The following LRRTM4 variants were observed in gnomAD, a reference collection of about 807,000 sequenced individuals.
LRRTM4 encodes the protein leucine-rich repeat transmembrane neuronal protein 4.
Under a neutral mutation model 47.6 loss-of-function variants are expected in LRRTM4, and 25 were observed. That is an observed-to-expected ratio of 0.53 (90% confidence interval 0.38 to 0.73). The LOEUF is 0.73. Ranked by LOEUF, LRRTM4 falls within the 30% of genes least tolerant of loss-of-function variation. The pLI is 0.00. For synonymous variants in LRRTM4, 311 were observed against 269.5 expected (o/e 1.15, Z -1.51); for missense variants, 638 against 713.4 (o/e 0.89, Z 1.20).
chr2:77,081,212 T>A (rs951334654), intron 3 of LRRTM4, among the ~76,000 whole-genome samples: 2 of 149,280 alleles, frequency 1.3e-5, no homozygotes, highest in Non-Finnish European at 3.0e-5. Flanking sequence ...TTCTGTTCCC[T>A]AAAGTATTCC....
At chr2:76,987,768 G>T (rs1488259949) in intron 3 of LRRTM4, among the ~76,000 whole-genome samples, 1 of 151,688 alleles carries the variant, frequency 6.6e-6, no homozygotes, top group Non-Finnish European at 1.5e-5. Flanking sequence ...GCACTAACAT[G>T]AGCTCATGGT....
intron 3 of LRRTM4, among the ~76,000 whole-genome samples, chr2:77,345,101 C>G (rs1671514627): frequency 6.7e-6 from 1 of 150,234 alleles, no homozygotes; most frequent in South Asian, 2.1e-4. Flanking sequence ...AATAAAAATT[C>G]AGTAAAATTA....
At chr2:77,150,119 C>T (rs916948574) in intron 3 of LRRTM4, among the ~76,000 whole-genome samples, 2 of 151,564 alleles carry the variant, frequency 1.3e-5, no homozygotes, top group Admixed American at 6.6e-5. Context: ...AATAAAGAAG[C>T]AGAGGTCGGT....
chr2:77,204,416 A>G (rs1452967137), intron 3 of LRRTM4, among the ~76,000 whole-genome samples: 1 of 152,020 alleles, frequency 6.6e-6, no homozygotes, highest in Non-Finnish European at 1.5e-5. Flanking sequence ...TAGATGGACT[A>G]CATTTGGAAG....
chr2:76,760,060 A>C (rs1673195533), intron 3 of LRRTM4, among the ~76,000 whole-genome samples: 1 of 152,310 alleles, frequency 6.6e-6, no homozygotes, highest in African/African-American at 2.4e-5. Context: ...ATGTGCTATA[A>C]GAATGTATGA....
chr2:77,063,675 A>G (rs996095299), intron 3 of LRRTM4, among the ~76,000 whole-genome samples: 10 of 152,324 alleles, frequency 6.6e-5, no homozygotes, highest in East Asian at 1.9e-4. Context: ...CCAAAATTCA[A>G]TAACATTAAA....
intron 3 of LRRTM4, among the ~76,000 whole-genome samples, chr2:76,888,684 T>C (rs992613836): frequency 2.0e-5 from 3 of 151,830 alleles, no homozygotes; most frequent in Non-Finnish European, 4.4e-5. Flanking sequence ...TTCTAGATTT[T>C]AGTTTGGACC....
chr2:77,335,427 G>T (rs1374811377), intron 3 of LRRTM4, among the ~76,000 whole-genome samples: 1 of 152,028 alleles, frequency 6.6e-6, no homozygotes, highest in Non-Finnish European at 1.5e-5. Context: ...TTTTGCACTT[G>T]CTCTCCCCAC....
chr2:77,142,400 T>C (rs1242032795), intron 3 of LRRTM4, among the ~76,000 whole-genome samples: 1 of 148,582 alleles, frequency 6.7e-6, no homozygotes, highest in Non-Finnish European at 1.5e-5. Context: ...GCCATTCACC[T>C]TTTTGCTGCT....
At chr2:77,249,966 A>G (rs1675557561) in intron 3 of LRRTM4, among the ~76,000 whole-genome samples, 1 of 152,228 alleles carries the variant, frequency 6.6e-6, no homozygotes, top group South Asian at 2.1e-4. Context: ...GTCCATCTAT[A>G]TAATGGTATA....
rs369330220 is a variant in LRRTM4 at position 77,297,036 on chromosome 2, C to G, written c.1551+221282G>C. On this transcript the variant is annotated intron_variant, in intron 3 of 3. Coordinates refer to ENST00000409884, the MANE Select transcript of LRRTM4 (RefSeq NM_001134745.3). ...CCTGGGGTAATGAATGGAGATTCCT[C>G]CAGTATGCCGGCATTAGTAAATCTT... is the stretch of plus-strand genomic sequence containing the variant. Among the ~76,000 whole-genome samples, 160 of 152,232 alleles carry G rather than the reference C, an allele frequency of 1.1e-3. 1 individual carries two copies. Among genetic ancestry groups the G allele is most frequent in the African/African-American group, 3.7e-3 (152 of 41,542 alleles).
rs141357812 is a variant in LRRTM4, at chr2:77,399,961, T to C, written c.1551+118357A>G. 2.0e-4 allele frequency among the ~76,000 whole-genome samples: 31 copies of C among 151,968 alleles called. No homozygotes were observed. In the East Asian group the frequency reaches 4.9e-3, roughly 24 times the overall value. Reference sequence around the variant, plus strand: ...CTCAGAAAATTTGTGTAAGGCACTTTAAACTCGCTAATGGCTAATTTATGA... The same window carrying C: ...CTCAGAAAATTTGTGTAAGGCACTTCAAACTCGCTAATGGCTAATTTATGA... On this transcript the variant is annotated intron_variant, in intron 3 of 3. Transcript: ENST00000409884.
intron 3 of LRRTM4, among the ~76,000 whole-genome samples, chr2:76,779,249 T>A (rs1309014599): frequency 6.6e-6 from 1 of 151,820 alleles, no homozygotes; most frequent in Non-Finnish European, 1.5e-5. Flanking sequence ...TGATTTGGGG[T>A]GGAGAGTTCT....
At chr2:77,146,419 T>C (rs1400626112) in intron 3 of LRRTM4, among the ~76,000 whole-genome samples, 1 of 152,156 alleles carries the variant, frequency 6.6e-6, no homozygotes, top group Non-Finnish European at 1.5e-5. Flanking sequence ...ACTAGAAATA[T>C]GATACTAGGT....
intron 3 of LRRTM4, among the ~76,000 whole-genome samples, chr2:77,070,426 G>T: frequency 6.6e-6 from 1 of 152,008 alleles, no homozygotes; most frequent in East Asian, 1.9e-4. Context: ...ATATTTTAAA[G>T]ATAAAACATA....
At chr2:76,756,255 T>C (rs181550603) in intron 3 of LRRTM4, among the ~76,000 whole-genome samples, 58 of 152,292 alleles carry the variant, frequency 3.8e-4, no homozygotes, top group Admixed American at 1.6e-3. Flanking sequence ...ATTTGCAAAT[T>C]AAAGAATCTC....
At chr2:76,800,073 G>C (rs1034886102) in intron 3 of LRRTM4, among the ~76,000 whole-genome samples, 2 of 151,772 alleles carry the variant, frequency 1.3e-5, no homozygotes, top group African/African-American at 4.8e-5. Flanking sequence ...AGCTACCAAT[G>C]CCTTTCTTCA....
At chr2:77,256,536 TAGTG>T (rs995141438) in intron 3 of LRRTM4, among the ~76,000 whole-genome samples, 2 of 152,052 alleles carry the variant, frequency 1.3e-5, no homozygotes, top group African/African-American at 4.8e-5. Context: ...TGTTCCATGA[TAGTG>T]AGTAAGTTTC....
At chr2:77,470,945 A>G (rs1211798822) in intron 3 of LRRTM4, among the ~76,000 whole-genome samples, 1 of 152,138 alleles carries the variant, frequency 6.6e-6, no homozygotes, top group Non-Finnish European at 1.5e-5. Flanking sequence ...ACTCGCTATT[A>G]GGACCTCTTC....
Sources: allele counts gnomAD v4.1 joint callset (sites outside exome capture counted in the v4.1 genomes callset), GRCh38; gene constraint gnomAD v4.1.1; transcripts MANE v1.5; gene names NCBI Gene and HGNC (gene_info 2026-07-23, HGNC 2026-07-21).